The following MAGI1 variants were observed in gnomAD, a reference collection of about 807,000 sequenced individuals.
MAGI1 encodes the protein membrane associated guanylate kinase, WW and PDZ domain containing 1, also known as membrane-associated guanylate kinase, WW and PDZ domain-containing protein 1.
In MAGI1, 58 loss-of-function variants were observed where a neutral mutation model predicts 139.9. The ratio of observed to expected loss-of-function variants is 0.41; its 90% confidence interval spans 0.34 to 0.52. The LOEUF (loss-of-function observed/expected upper bound fraction) is 0.52. MAGI1 is among the 20% of genes least tolerant of loss of function. The pLI, the probability that MAGI1 is intolerant of heterozygous loss-of-function variation, is 0.12. For synonymous variants in MAGI1, 812 were observed against 737.9 expected, an observed-to-expected ratio of 1.10 and a Z score of -1.63; for missense variants, 1,874 against 1,901.6, an observed-to-expected ratio of 0.99 and a Z score of 0.27.
In MAGI1 at chr3:65,401,856, T is replaced by C. The variant is rs941636071; in HGVS notation, c.2168-386A>G. 7.1e-6 allele frequency: 7 copies of C among 985,114 alleles called. No homozygotes were observed. The African/African-American group carries it at 1.0e-4, about 15-fold the overall frequency. 61.0% of individuals were successfully genotyped at this position (985,114 alleles called of 1,614,324 possible). A position where few individuals can be genotyped will look rare whatever the true frequency, so the allele number is the denominator to read the frequency against. On this transcript the variant is annotated intron_variant, in intron 12 of 22. Coordinates refer to ENST00000402939, the MANE Select transcript of MAGI1 (RefSeq NM_001033057.2). ...ATTTCCTTTCCACACGATCCACTTG[T>C]CAATTGAAACGGACCAATCAGGACA...
intron 2 of MAGI1, among the ~76,000 whole-genome samples, chr3:65,539,103 A>T (rs1576244445): frequency 6.6e-6 from 1 of 152,212 alleles, no homozygotes; most frequent in Non-Finnish European, 1.5e-5. Flanking sequence ...ACCATCAAAC[A>T]GAAACACATA....
At chr3:65,946,930 C>T (rs528580402) in intron 1 of MAGI1, among the ~76,000 whole-genome samples, 1 of 152,198 alleles carries the variant, frequency 6.6e-6, no homozygotes, top group East Asian at 1.9e-4. Context: ...TCTAAAGTGA[C>T]AAAATCATGA....
intron 1 of MAGI1, among the ~76,000 whole-genome samples, chr3:65,694,784 C>T (rs1329271278): frequency 1.3e-5 from 2 of 152,220 alleles, no homozygotes; most frequent in Admixed American, 1.3e-4. Flanking sequence ...TACTAAAAGG[C>T]AGAAATCTAT....
intron 12 of MAGI1, among the ~76,000 whole-genome samples, chr3:65,404,634 T>C (rs748701284): frequency 3.3e-5 from 5 of 152,204 alleles, no homozygotes; most frequent in Admixed American, 2.0e-4. Flanking sequence ...ATCTAATACA[T>C]ATGAATGCTG....
At chr3:65,680,796 A>AT (rs879937958) in intron 1 of MAGI1, among the ~76,000 whole-genome samples, 1 of 83,516 alleles carries the variant, frequency 1.2e-5, no homozygotes, top group South Asian at 2.5e-4. Flanking sequence ...ATGATATGAT[A>AT]TACTTTAATA....
At chr3:66,011,104 G>C (rs2067298389) in intron 1 of MAGI1, among the ~76,000 whole-genome samples, 1 of 152,208 alleles carries the variant, frequency 6.6e-6, no homozygotes, top group Non-Finnish European at 1.5e-5. Flanking sequence ...TTTTCTTCCA[G>C]CTGATGATTC....
chr3:65,620,693 A>C (rs2083617120), intron 2 of MAGI1, among the ~76,000 whole-genome samples: 1 of 152,232 alleles, frequency 6.6e-6, no homozygotes, highest in African/African-American at 2.4e-5. Context: ...TGAGGACCAC[A>C]AGTTCACATT....
chr3:65,796,574 T>C (rs1328427813), intron 1 of MAGI1, among the ~76,000 whole-genome samples: 2 of 152,168 alleles, frequency 1.3e-5, no homozygotes, highest in Non-Finnish European at 2.9e-5. Context: ...TATATCTATG[T>C]GGGGCAAGTT....
intron 1 of MAGI1, among the ~76,000 whole-genome samples, chr3:65,963,795 G>C (rs774154180): frequency 6.6e-6 from 1 of 152,154 alleles, no homozygotes; most frequent in African/African-American, 2.4e-5. Context: ...TAAAGACAGA[G>C]AGCTTTGCTT....
At chr3:65,860,358 A>C (rs2059514396) in intron 1 of MAGI1, among the ~76,000 whole-genome samples, 1 of 152,240 alleles carries the variant, frequency 6.6e-6, no homozygotes, top group African/African-American at 2.4e-5. Flanking sequence ...AGTTTACTGT[A>C]ATTTTGTCTT....
At chr3:65,764,097 A>C (rs948833255) in intron 1 of MAGI1, among the ~76,000 whole-genome samples, 1 of 151,458 alleles carries the variant, frequency 6.6e-6, no homozygotes, top group Non-Finnish European at 1.5e-5. Context: ...AAAAAAAAAA[A>C]AAACCTTGTT....
chr3:65,497,787 G>A (rs577171892), intron 2 of MAGI1, among the ~76,000 whole-genome samples: 33 of 152,176 alleles, frequency 2.2e-4, no homozygotes, highest in African/African-American at 7.2e-4. Flanking sequence ...AATCAAGAAC[G>A]TCAAAAATGC....
At chr3:65,774,789 C>G (rs959768939) in intron 1 of MAGI1, among the ~76,000 whole-genome samples, 1 of 152,158 alleles carries the variant, frequency 6.6e-6, no homozygotes, top group Non-Finnish European at 1.5e-5. Flanking sequence ...AGTACTGGGC[C>G]TATGTTCTGT....
At chr3:65,392,650 C>T (rs1944027561) in intron 13 of MAGI1, among the ~76,000 whole-genome samples, 2 of 152,166 alleles carry the variant, frequency 1.3e-5, no homozygotes, top group Non-Finnish European at 2.9e-5. Context: ...TTTCATTCCC[C>T]TGGAATTCTG....
At chr3:65,484,467 T>C (rs1951497636) in intron 3 of MAGI1, among the ~76,000 whole-genome samples, 2 of 152,212 alleles carry the variant, frequency 1.3e-5, no homozygotes, top group African/African-American at 4.8e-5. Flanking sequence ...AAAATTGTTT[T>C]CTTTTTTGAG....
At chr3:65,512,925 G>A (rs2077675160) in intron 2 of MAGI1, among the ~76,000 whole-genome samples, 3 of 148,306 alleles carry the variant, frequency 2.0e-5, no homozygotes, top group South Asian at 2.2e-4. Context: ...CTGGCAAAAC[G>A]AATCCAGCAG....
At chr3:65,780,864 G>T (rs947522073) in intron 1 of MAGI1, among the ~76,000 whole-genome samples, 2 of 152,140 alleles carry the variant, frequency 1.3e-5, no homozygotes, top group Non-Finnish European at 2.9e-5. Context: ...ACTATGTAAG[G>T]GCCATGACTA....
intron 1 of MAGI1, among the ~76,000 whole-genome samples, chr3:65,679,158 CA>C (rs149760962): frequency 6.7e-6 from 1 of 149,086 alleles, no homozygotes; most frequent in Non-Finnish European, 1.5e-5. Context: ...TTCCTTAGCT[CA>C]AAAAAAAACA....
intron 2 of MAGI1, among the ~76,000 whole-genome samples, chr3:65,563,493 C>A (rs1309670500): frequency 6.6e-6 from 1 of 152,162 alleles, no homozygotes; most frequent in African/African-American, 2.4e-5. Flanking sequence ...TTCCAACTTG[C>A]TCTGTCTTTG....
Sources: allele counts gnomAD v4.1 joint callset (sites outside exome capture counted in the v4.1 genomes callset), GRCh38; gene constraint gnomAD v4.1.1; transcripts MANE v1.5; gene names NCBI Gene and HGNC (gene_info 2026-07-23, HGNC 2026-07-21).